Variants in SLC16A2 observed in about 807,000 individuals in gnomAD.
SLC16A2 encodes solute carrier family 16 member 2, also known as monocarboxylate transporter 8.
In SLC16A2, 3 loss-of-function variants were observed where a neutral mutation model predicts 27.2. The ratio of observed to expected loss-of-function variants is 0.11; its 90% CI spans 0.05 to 0.28. The LOEUF (loss-of-function observed/expected upper bound fraction) is 0.28, where lower values mean the gene tolerates loss of function less well. Among genes scored for constraint, SLC16A2 ranks in the 10% least tolerant of loss-of-function variants. The pLI is 1.00. For missense variants in SLC16A2, 295 were observed against 458.5 expected, an observed-to-expected ratio of 0.64 and a Z score of 3.26; for synonymous variants, 202 against 187.8, an observed-to-expected ratio of 1.08 and a Z score of -0.62.
chrX:74,506,964 G>A (rs1025205232), intron 1 of SLC16A2, among the ~76,000 whole-genome samples: 1 of 100,864 alleles, frequency 9.9e-6, no homozygotes, highest in African/African-American at 3.9e-5. Context: ...GCAGGGTCTC[G>A]CTTTGTCACC....
At position 74,514,960 on chromosome X, in the gene SLC16A2, C is replaced by G. The variant is rs1044931288; in HGVS notation, c.431-6030C>G. 2.7e-5 allele frequency among the ~76,000 whole-genome samples: 3 copies of G among 111,495 alleles called. No individual in the cohort carries two copies. The Admixed American group carries it at 2.9e-4, about 11-fold the overall frequency. ...CTAAAACACAAGATTTAAATAAGAT[C>G]CAGAGTCTCATATCTAAAATTTCCA... is the stretch of plus-strand genomic sequence containing the variant. On this transcript the variant is annotated intron_variant, in intron 1 of 5. Coordinates refer to ENST00000587091, the MANE Select transcript of SLC16A2 (RefSeq NM_006517.5).
intron 1 of SLC16A2, among the ~76,000 whole-genome samples, chrX:74,428,256 T>A (rs1240965421): frequency 1.8e-5 from 2 of 110,857 alleles, no homozygotes; most frequent in Non-Finnish European, 3.8e-5. Flanking sequence ...TAATGTGAAA[T>A]CGCTTGACAC....
At chrX:74,442,744 C>T (rs751321834) in intron 1 of SLC16A2, among the ~76,000 whole-genome samples, 3 of 111,736 alleles carry the variant, frequency 2.7e-5, no homozygotes, top group African/African-American at 9.8e-5. Flanking sequence ...ATCATGAGGT[C>T]GGGAATTTAA....
At chrX:74,428,782 C>A (rs1928472004) in intron 1 of SLC16A2, among the ~76,000 whole-genome samples, 1 of 111,947 alleles carries the variant, frequency 8.9e-6, no homozygotes, top group African/African-American at 3.2e-5. Context: ...CTTTCCACAG[C>A]CCTAGTAACC....
At chrX:74,424,871 T>G (rs1438893417) in intron 1 of SLC16A2, among the ~76,000 whole-genome samples, 2 of 111,409 alleles carry the variant, frequency 1.8e-5, no homozygotes, top group East Asian at 5.6e-4. Context: ...TTATACTTTA[T>G]TTTTAGAGAT....
At chrX:74,474,110 G>A (rs1929415816) in intron 1 of SLC16A2, among the ~76,000 whole-genome samples, 1 of 111,972 alleles carries the variant, frequency 8.9e-6, no homozygotes, top group African/African-American at 3.2e-5. Flanking sequence ...CAAAGAAAAT[G>A]CAGCCAGGGT....
intron 1 of SLC16A2, among the ~76,000 whole-genome samples, chrX:74,440,361 C>G (rs1456251272): frequency 1.8e-5 from 2 of 110,810 alleles, no homozygotes; most frequent in Non-Finnish European, 3.8e-5. Flanking sequence ...ACTATAAGGG[C>G]TCCTCACAAG....
At chrX:74,479,655 G>C (rs898388272) in intron 1 of SLC16A2, among the ~76,000 whole-genome samples, 123 of 112,053 alleles carry the variant, frequency 1.1e-3, no homozygotes, top group African/African-American at 3.9e-3. Flanking sequence ...TGTACAGATG[G>C]GGTTTTGGTG....
intron 1 of SLC16A2, among the ~76,000 whole-genome samples, chrX:74,453,718 T>C (rs979369186): frequency 9.9e-5 from 11 of 111,015 alleles, no homozygotes; most frequent in African/African-American, 3.3e-4. Flanking sequence ...CACCCCACCT[T>C]AGACAACCCA....
chrX:74,461,707 T>G (rs1455011972), intron 1 of SLC16A2, among the ~76,000 whole-genome samples: 1 of 111,868 alleles, frequency 8.9e-6, no homozygotes, highest in Non-Finnish European at 1.9e-5. Flanking sequence ...CAGATACAGA[T>G]GTAAGGAACA....
At chrX:74,477,736 G>A (rs2147854875) in intron 1 of SLC16A2, among the ~76,000 whole-genome samples, 1 of 111,793 alleles carries the variant, frequency 8.9e-6, no homozygotes, top group Non-Finnish European at 1.9e-5. Flanking sequence ...ATTTCGTTAT[G>A]TACCCAGTAG....
At chrX:74,439,267 C>CCCTT (rs2147840987) in intron 1 of SLC16A2, among the ~76,000 whole-genome samples, 1 of 90,939 alleles carries the variant, frequency 1.1e-5, no homozygotes, top group African/African-American at 4.2e-5. Flanking sequence ...CTTTCTCTCT[C>CCCTT]CCTTCCTTCC....
intron 1 of SLC16A2, among the ~76,000 whole-genome samples, chrX:74,448,827 C>T (rs1046371163): frequency 4.6e-5 from 5 of 109,091 alleles, no homozygotes; most frequent in African/African-American, 1.3e-4. Context: ...GGCGTCATTC[C>T]CATTACTATC....
intron 1 of SLC16A2, among the ~76,000 whole-genome samples, chrX:74,477,324 T>G (rs1240044827): frequency 8.9e-6 from 1 of 111,867 alleles, no homozygotes; most frequent in African/African-American, 3.3e-5. Flanking sequence ...TCGGTGGTGA[T>G]ATCCCCTTTA....
At chrX:74,449,938 A>G (rs1207718501) in intron 1 of SLC16A2, among the ~76,000 whole-genome samples, 1 of 112,004 alleles carries the variant, frequency 8.9e-6, no homozygotes, top group Non-Finnish European at 1.9e-5. Context: ...CCTATGGATA[A>G]TGGGATGATC....
At chrX:74,469,361 T>C (rs760574452) in intron 1 of SLC16A2, among the ~76,000 whole-genome samples, 1 of 111,948 alleles carries the variant, frequency 8.9e-6, no homozygotes, top group East Asian at 2.8e-4. Context: ...TGCTGGATCA[T>C]ATGGTGGTAA....
intron 1 of SLC16A2, among the ~76,000 whole-genome samples, chrX:74,462,101 C>A (rs763362922): frequency 8.9e-6 from 1 of 111,981 alleles, no homozygotes; most frequent in Admixed American, 9.5e-5. Flanking sequence ...CTCTGTTGGC[C>A]CAGTGTCTTT....
At chrX:74,453,504 A>G (rs1394105055) in intron 1 of SLC16A2, among the ~76,000 whole-genome samples, 1 of 111,144 alleles carries the variant, frequency 9.0e-6, no homozygotes, top group Non-Finnish European at 1.9e-5. Flanking sequence ...TTTAAACCCC[A>G]CGTAGCTCTC....
At chrX:74,509,505 G>A (rs1485025588) in intron 1 of SLC16A2, among the ~76,000 whole-genome samples, 4 of 111,277 alleles carry the variant, frequency 3.6e-5, no homozygotes, top group South Asian at 7.5e-4. Flanking sequence ...TGCATTGATC[G>A]ATTTTTGAAT....
Sources: gnomAD v4.1 joint callset for allele counts (sites outside exome capture counted in the v4.1 genomes callset) on GRCh38, gnomAD v4.1.1 for gene constraint, MANE v1.5 for transcripts, NCBI Gene and HGNC (gene_info 2026-07-23, HGNC 2026-07-21) for gene names.